ZNF804B: variants seen among roughly 807,000 people sequenced by gnomAD.
ZNF804B encodes the protein zinc finger protein 804B, also known as zinc finger 804B.
A neutral mutation model predicts 101.4 loss-of-function variants in ZNF804B; 80 were observed. The ratio of observed to expected loss-of-function variants is 0.79; its 90% CI spans 0.66 to 0.95. ZNF804B has a LOEUF of 0.95. ZNF804B is among the 40% of genes least tolerant of loss of function. The pLI is 0.00. For synonymous variants in ZNF804B, 622 were observed against 558.8 expected (o/e 1.11, Z -1.59); for missense variants, 1,673 against 1,561.9 (o/e 1.07, Z -1.20).
intron 1 of ZNF804B, among the ~76,000 whole-genome samples, chr7:89,124,321 A>G (rs188550420): frequency 1.3e-5 from 2 of 152,258 alleles, no homozygotes; most frequent in African/African-American, 2.4e-5. Context: ...TATTTACTCT[A>G]TCCTACGCAG....
At chr7:88,933,627 G>A (rs1374927753) in intron 1 of ZNF804B, among the ~76,000 whole-genome samples, 1 of 151,910 alleles carries the variant, frequency 6.6e-6, no homozygotes, top group Non-Finnish European at 1.5e-5. Flanking sequence ...CAGTAGCACT[G>A]CTTTACACCA....
intron 2 of ZNF804B, among the ~76,000 whole-genome samples, chr7:89,277,045 C>T (rs1442664624): frequency 3.3e-5 from 5 of 150,802 alleles, no homozygotes; most frequent in Non-Finnish European, 7.4e-5. Context: ...TGATTTGAAG[C>T]AACTTTGGTC....
At chr7:88,813,434 A>AAG (rs1210496921) in intron 1 of ZNF804B, among the ~76,000 whole-genome samples, 2 of 151,646 alleles carry the variant, frequency 1.3e-5, no homozygotes, top group African/African-American at 4.8e-5. Context: ...AAAAAAAAAA[A>AAG]AAAAGAAAAG....
chr7:89,029,198 G>C (rs918391305), intron 1 of ZNF804B, among the ~76,000 whole-genome samples: 41 of 146,586 alleles, frequency 2.8e-4, no homozygotes, highest in African/African-American at 1.0e-3. Flanking sequence ...CCACCTCCCG[G>C]GCTCAAGCAA....
intron 1 of ZNF804B, among the ~76,000 whole-genome samples, chr7:88,877,716 GA>G (rs777790851): frequency 1.3e-5 from 2 of 152,068 alleles, no homozygotes; most frequent in Non-Finnish European, 2.9e-5. Flanking sequence ...TTATAGCGGG[GA>G]AAAATTCTTG....
chr7:89,194,340 G>T (rs753874718), intron 1 of ZNF804B, among the ~76,000 whole-genome samples: 5,490 of 151,046 alleles, frequency 0.036, 104 homozygotes, highest in Admixed American at 0.044. Context: ...GTCAATTTTG[G>T]CTTTTGTTGC....
At chr7:89,055,783 A>T (rs1362492097) in intron 1 of ZNF804B, among the ~76,000 whole-genome samples, 1 of 152,024 alleles carries the variant, frequency 6.6e-6, no homozygotes, top group Non-Finnish European at 1.5e-5. Context: ...GCAAAAAATC[A>T]ATCAGAAAAA....
intron 1 of ZNF804B, among the ~76,000 whole-genome samples, chr7:89,199,135 G>C (rs1292719180): frequency 6.6e-6 from 1 of 151,850 alleles, no homozygotes; most frequent in Non-Finnish European, 1.5e-5. Flanking sequence ...GTATCACTCA[G>C]TTGGGTACAG....
chr7:88,976,541 C>T (rs116582483), intron 1 of ZNF804B, among the ~76,000 whole-genome samples: 1,948 of 151,534 alleles, frequency 0.013, 54 homozygotes, highest in African/African-American at 0.044. Context: ...TCAGACTGTT[C>T]GTCGCTGGCA....
intron 1 of ZNF804B, among the ~76,000 whole-genome samples, chr7:89,030,351 A>G (rs980262049): frequency 3.3e-5 from 5 of 152,164 alleles, no homozygotes; most frequent in African/African-American, 1.2e-4. Flanking sequence ...ATTCATGACT[A>G]TTGCTGTTGA....
chr7:89,318,103 C>T (rs187043801), intron 2 of ZNF804B, among the ~76,000 whole-genome samples: 6 of 152,270 alleles, frequency 3.9e-5, no homozygotes, highest in Non-Finnish European at 7.4e-5. Flanking sequence ...AGAAGGACAG[C>T]TCTCTCCACA....
intron 1 of ZNF804B, among the ~76,000 whole-genome samples, chr7:89,117,135 G>T (rs2116360741): frequency 6.6e-6 from 1 of 152,188 alleles, no homozygotes; most frequent in South Asian, 2.1e-4. Flanking sequence ...AAGAGGCAAA[G>T]GACACATTCT....
intron 1 of ZNF804B, among the ~76,000 whole-genome samples, chr7:88,834,926 A>G (rs1330052351): frequency 2.6e-5 from 4 of 151,832 alleles, no homozygotes; most frequent in Admixed American, 1.3e-4. Context: ...TTTGACATCT[A>G]TGAAAGGCAC....
At chr7:88,855,194 G>C (rs897845206) in intron 1 of ZNF804B, among the ~76,000 whole-genome samples, 1 of 151,936 alleles carries the variant, frequency 6.6e-6, no homozygotes, top group Non-Finnish European at 1.5e-5. Context: ...CTTCCACAAT[G>C]GTTGAACTAG....
chr7:88,890,388 A>G (rs1158517052), intron 1 of ZNF804B, among the ~76,000 whole-genome samples: 2 of 152,182 alleles, frequency 1.3e-5, no homozygotes, highest in African/African-American at 2.4e-5. Flanking sequence ...AATTGAGTAC[A>G]TGCCTAGGAG....
chr7:89,262,448 C>G (rs551427244), intron 2 of ZNF804B, among the ~76,000 whole-genome samples: 27 of 152,262 alleles, frequency 1.8e-4, no homozygotes, highest in Non-Finnish European at 2.9e-4. Context: ...AAGTTAATTA[C>G]TTTCTCTTCC....
intron 1 of ZNF804B, among the ~76,000 whole-genome samples, chr7:89,015,503 C>T (rs1788536330): frequency 6.6e-6 from 1 of 150,868 alleles, no homozygotes; most frequent in African/African-American, 2.4e-5. Flanking sequence ...CACCCCACAA[C>T]AGTCCCCAGA....
intron 1 of ZNF804B, among the ~76,000 whole-genome samples, chr7:89,020,891 C>G (rs1788656076): frequency 6.6e-6 from 1 of 152,056 alleles, no homozygotes; most frequent in African/African-American, 2.4e-5. Context: ...ATTTAATTAT[C>G]TATATTATAT....
intron 1 of ZNF804B, among the ~76,000 whole-genome samples, chr7:88,943,484 T>C (rs190911966): frequency 6.6e-6 from 1 of 152,066 alleles, no homozygotes; most frequent in Non-Finnish European, 1.5e-5. Flanking sequence ...CATACAGCAG[T>C]AAATTAAATT....
Sources: gnomAD v4.1 joint callset for allele counts (sites outside exome capture counted in the v4.1 genomes callset) on GRCh38, gnomAD v4.1.1 for gene constraint, MANE v1.5 for transcripts, NCBI Gene and HGNC (gene_info 2026-07-23, HGNC 2026-07-21) for gene names.